Variants in GPC5 observed in about 807,000 individuals in gnomAD.
The protein encoded by GPC5 is glypican-5.
In GPC5, 47 loss-of-function variants were observed where a neutral mutation model predicts 53.9. That is an observed-to-expected ratio of 0.87 (90% confidence interval 0.69 to 1.11). The LOEUF (loss-of-function observed/expected upper bound fraction) is 1.11. GPC5 is among the 50% of genes most tolerant of loss of function. The pLI is 0.00. For missense variants in GPC5, 748 were observed against 713.1 expected, an observed-to-expected ratio of 1.05 and a Z score of -0.56; for synonymous variants, 286 against 263.3, an observed-to-expected ratio of 1.09 and a Z score of -0.84.
chr13:92,470,380 A>G (rs1477736519), intron 7 of GPC5, among the ~76,000 whole-genome samples: 1 of 152,122 alleles, frequency 6.6e-6, no homozygotes, highest in Non-Finnish European at 1.5e-5. Context: ...TTTTTTTATT[A>G]TACCTTAAGT....
In GPC5 at chr13:92,762,972, C is replaced by T. The variant is rs111589408; in HGVS notation, c.1562-103310C>T. Among the ~76,000 whole-genome samples, 565 of 151,602 alleles carry T rather than the reference C, an allele frequency of 3.7e-3. 3 individuals carry two copies. Among genetic ancestry groups the T allele is most frequent in the Middle Eastern group, 0.01 (3 of 292 alleles). On this transcript the variant is annotated intron_variant, in intron 7 of 7. Coordinates refer to ENST00000377067, the MANE Select transcript of GPC5 (RefSeq NM_004466.6). ...TCTGTTTCCTTTTTTTTTATGATATCCATCTCTTTATTAAATTTCTCATTT... is the reference window on the plus strand; with the variant it reads ...TCTGTTTCCTTTTTTTTTATGATATTCATCTCTTTATTAAATTTCTCATTT...
At chr13:91,436,042 A>G (rs1879916474) in intron 1 of GPC5, among the ~76,000 whole-genome samples, 1 of 152,024 alleles carries the variant, frequency 6.6e-6, no homozygotes, top group Non-Finnish European at 1.5e-5. Context: ...TATCCCCTTT[A>G]TCATTTTTTA....
chr13:91,918,188 A>G (rs567877747), intron 6 of GPC5, among the ~76,000 whole-genome samples: 1 of 152,320 alleles, frequency 6.6e-6, no homozygotes, highest in East Asian at 1.9e-4. Context: ...TTTTAATGCC[A>G]TCAGACCCAT....
rs190542657 is a variant in GPC5, at chr13:92,316,435, C to G, written c.1561+171446C>G. Among the ~76,000 whole-genome samples, 2 of 152,066 alleles carry G rather than the reference C, an allele frequency of 1.3e-5. 1 individual carries two copies. The highest frequency in any genetic ancestry group is 2.9e-5 in the Non-Finnish European group (2 of 67,980). On this transcript the variant is annotated intron_variant, in intron 7 of 7. Transcript: ENST00000377067. ...ATTAAGCAGTCACATTTTGTACACT[C>G]ATATATTTACTTGGCTTTCAGTATA...
At chr13:92,193,249 T>C (rs532767274) in intron 7 of GPC5, among the ~76,000 whole-genome samples, 1 of 152,354 alleles carries the variant, frequency 6.6e-6, no homozygotes, top group Middle Eastern at 3.4e-3. Context: ...ATTCAATTTC[T>C]GCCTACAAAA....
chr13:92,472,225 A>G (rs1371867884), intron 7 of GPC5, among the ~76,000 whole-genome samples: 1 of 152,004 alleles, frequency 6.6e-6, no homozygotes, highest in Non-Finnish European at 1.5e-5. Context: ...AATGAGTAGA[A>G]TAATACCATC....
In GPC5 at chr13:91,650,750, G is replaced by GTTTTTTTTTTTTTTTTTTTT. The variant is rs67507888; in HGVS notation, c.326-42434_326-42415dup. Among the ~76,000 whole-genome samples, 909 of 99,558 alleles carry GTTTTTTTTTTTTTTTTTTTT rather than the reference G, an allele frequency of 9.1e-3. 33 individuals are homozygous for GTTTTTTTTTTTTTTTTTTTT. Among genetic ancestry groups the GTTTTTTTTTTTTTTTTTTTT allele is most frequent in the Middle Eastern group, 0.024 (4 of 166 alleles). 65.3% of individuals were successfully genotyped at this position (99,558 alleles called of 152,430 possible). A position where few individuals can be genotyped will look rare whatever the true frequency, so the allele number is the denominator to read the frequency against. On this transcript the variant is annotated intron_variant, in intron 2 of 7. Transcript: ENST00000377067. The stretch of plus-strand genomic sequence containing the variant: ...CATCTGTGAAACAAAATTCCCATAA[G>GTTTTTTTTTTTTTTTTTTTT]TTTTTTTTTTTTTTTTTTTTTTAGC...
At chr13:92,287,854 G>C (rs1476704155) in intron 7 of GPC5, among the ~76,000 whole-genome samples, 1 of 151,830 alleles carries the variant, frequency 6.6e-6, no homozygotes, top group East Asian at 1.9e-4. Context: ...ATTTTTTTCA[G>C]CTCCTTTTTC....
At chr13:91,515,467 A>G (rs1449130082) in intron 2 of GPC5, among the ~76,000 whole-genome samples, 1 of 152,168 alleles carries the variant, frequency 6.6e-6, no homozygotes, top group East Asian at 1.9e-4. Context: ...GAATTAGGCT[A>G]TGTTTTCTTC....
intron 7 of GPC5, among the ~76,000 whole-genome samples, chr13:92,520,310 G>T (rs891651191): frequency 6.6e-6 from 1 of 152,060 alleles, no homozygotes; most frequent in Non-Finnish European, 1.5e-5. Flanking sequence ...ACCAAAGCCT[G>T]GCAGAGACAC....
chr13:92,236,902 C>G (rs536615498), intron 7 of GPC5, among the ~76,000 whole-genome samples: 1 of 151,624 alleles, frequency 6.6e-6, no homozygotes, highest in South Asian at 2.1e-4. Context: ...CATTCTTTCT[C>G]AAATCATTGA....
chr13:92,282,405 A>C (rs563680000), intron 7 of GPC5, among the ~76,000 whole-genome samples: 38 of 152,280 alleles, frequency 2.5e-4, no homozygotes, highest in African/African-American at 9.1e-4. Context: ...AACGCCACAA[A>C]GATACTCCTT....
intron 6 of GPC5, among the ~76,000 whole-genome samples, chr13:92,008,999 T>C (rs2040636075): frequency 6.6e-6 from 1 of 152,182 alleles, no homozygotes; most frequent in Non-Finnish European, 1.5e-5. Context: ...TTTACTTTCA[T>C]CTGTAGAAGT....
At chr13:91,664,547 T>A (rs1464140776) in intron 2 of GPC5, among the ~76,000 whole-genome samples, 1 of 152,238 alleles carries the variant, frequency 6.6e-6, no homozygotes, top group Non-Finnish European at 1.5e-5. Flanking sequence ...TTTTACTTTT[T>A]CAAATACTAA....
chr13:92,388,753 A>G (rs1334895097), intron 7 of GPC5, among the ~76,000 whole-genome samples: 1 of 152,146 alleles, frequency 6.6e-6, no homozygotes, highest in African/African-American at 2.4e-5. Flanking sequence ...TTGACTGAGC[A>G]TTTTAATAAG....
chr13:92,563,918 T>A (rs996662546), intron 7 of GPC5, among the ~76,000 whole-genome samples: 1 of 151,980 alleles, frequency 6.6e-6, no homozygotes, highest in Admixed American at 6.6e-5. Context: ...AGAGAACAGT[T>A]TGGGGTGATC....
At chr13:92,609,845 A>G (rs1446112512) in intron 7 of GPC5, among the ~76,000 whole-genome samples, 2 of 151,986 alleles carry the variant, frequency 1.3e-5, no homozygotes, top group Non-Finnish European at 1.5e-5. Context: ...AGTCTGGCCA[A>G]TATGGTGAAA....
At chr13:92,007,514 C>G (rs1408046455) in intron 6 of GPC5, among the ~76,000 whole-genome samples, 1 of 151,982 alleles carries the variant, frequency 6.6e-6, no homozygotes, top group East Asian at 1.9e-4. Context: ...TTGAAATATG[C>G]TTTGTGTGAA....
intron 7 of GPC5, among the ~76,000 whole-genome samples, chr13:92,775,585 G>A (rs1212054800): frequency 1.3e-5 from 2 of 152,212 alleles, no homozygotes; most frequent in South Asian, 4.1e-4. Flanking sequence ...ATTATCAACT[G>A]ATCATACCTT....
Sources: gnomAD v4.1 joint callset for allele counts (sites outside exome capture counted in the v4.1 genomes callset) on GRCh38, gnomAD v4.1.1 for gene constraint, MANE v1.5 for transcripts, NCBI Gene and HGNC (gene_info 2026-07-23, HGNC 2026-07-21) for gene names.